Variants in GPC5 observed in about 807,000 individuals in gnomAD.
GPC5 encodes the protein glypican-5.
A neutral mutation model predicts 53.9 loss-of-function variants in GPC5; 47 were observed. The ratio of observed to expected loss-of-function variants is 0.87; its 90% CI spans 0.69 to 1.11. The LOEUF (loss-of-function observed/expected upper bound fraction) is 1.11, where lower values mean the gene tolerates loss of function less well. Among genes scored for constraint, GPC5 ranks in the 50% most tolerant of loss-of-function variants. The pLI, the probability that GPC5 is intolerant of heterozygous loss-of-function variation, is 0.00. For missense variants in GPC5, 748 were observed against 713.1 expected (o/e 1.05, Z -0.56); for synonymous variants, 286 against 263.3 (o/e 1.09, Z -0.84).
chr13:91,985,093 A>G (rs2040394740), intron 6 of GPC5, among the ~76,000 whole-genome samples: 1 of 152,148 alleles, frequency 6.6e-6, no homozygotes, highest in Non-Finnish European at 1.5e-5. Flanking sequence ...CTAAGTTTAC[A>G]TTTACTTTTT....
chr13:92,865,332 C>T (rs942914893), intron 7 of GPC5, among the ~76,000 whole-genome samples: 1 of 152,154 alleles, frequency 6.6e-6, no homozygotes, highest in East Asian at 1.9e-4. Context: ...CACCTCCATC[C>T]TCACAGCTGT....
Position 92,799,893 on chromosome 13 carries a change from C to A in GPC5, c.1562-66389C>A, listed in dbSNP as rs576036739. ...GAAGAACACAAAAATACAGATGAAT[C>A]GGCTCTGATTCAAATTTTTCATTTC... is the stretch of plus-strand genomic sequence containing the variant. On this transcript the variant is annotated intron_variant, in intron 7 of 7. Transcript: ENST00000377067. Among the ~76,000 whole-genome samples, 4 of 151,744 alleles carry A rather than the reference C, an allele frequency of 2.6e-5. No individual in the cohort carries two copies. The East Asian group carries it at 7.8e-4, about 30-fold the overall frequency.
chr13:91,600,344 AGAGAGT>A (rs1364059601), intron 2 of GPC5, among the ~76,000 whole-genome samples: 128 of 62,082 alleles, frequency 2.1e-3, no homozygotes, highest in African/African-American at 5.8e-3. Context: ...AGAGAGAGAG[AGAGAGT>A]GTGTGTGTGT....
intron 7 of GPC5, among the ~76,000 whole-genome samples, chr13:92,225,964 G>T (rs1487180671): frequency 6.6e-6 from 1 of 152,108 alleles, no homozygotes; most frequent in Non-Finnish European, 1.5e-5. Context: ...ATCTTATCTT[G>T]AATTCTAAAC....
intron 7 of GPC5, among the ~76,000 whole-genome samples, chr13:92,198,960 T>C (rs942418680): frequency 1.3e-5 from 2 of 152,174 alleles, no homozygotes; most frequent in South Asian, 2.1e-4. Flanking sequence ...TCATAAGCAA[T>C]ATTGATTTTT....
At chr13:92,816,817 T>C (rs968926649) in intron 7 of GPC5, among the ~76,000 whole-genome samples, 9 of 152,122 alleles carry the variant, frequency 5.9e-5, no homozygotes, top group Admixed American at 2.0e-4. Flanking sequence ...TAGTCTGCCC[T>C]GACTCTGCCA....
chr13:91,491,952 A>G (rs1425471855), intron 2 of GPC5, among the ~76,000 whole-genome samples: 1 of 152,200 alleles, frequency 6.6e-6, no homozygotes, highest in Non-Finnish European at 1.5e-5. Context: ...AGCTCACTAC[A>G]CACACAAAAC....
chr13:92,427,429 A>C (rs1006202463), intron 7 of GPC5, among the ~76,000 whole-genome samples: 43 of 151,294 alleles, frequency 2.8e-4, no homozygotes, highest in African/African-American at 1.0e-3. Flanking sequence ...TATTTATTGG[A>C]ACTTAGCTCG....
intron 7 of GPC5, among the ~76,000 whole-genome samples, chr13:92,847,586 C>T (rs1490100537): frequency 1.3e-5 from 2 of 152,068 alleles, no homozygotes; most frequent in African/African-American, 2.4e-5. Context: ...GAGGCATCCC[C>T]AGCAGTGCTG....
chr13:91,961,187 GTAAC>G (rs2040122294), intron 6 of GPC5, among the ~76,000 whole-genome samples: 2 of 151,772 alleles, frequency 1.3e-5, no homozygotes, highest in Non-Finnish European at 2.9e-5. Flanking sequence ...AGAAACTGAA[GTAAC>G]TAAACAAGTA....
chr13:91,978,296 G>T (rs529595540), intron 6 of GPC5, among the ~76,000 whole-genome samples: 1 of 152,264 alleles, frequency 6.6e-6, no homozygotes, highest in African/African-American at 2.4e-5. Context: ...ACTATGCTCT[G>T]AATTTTTATT....
chr13:92,298,716 G>C (rs1444061730), intron 7 of GPC5, among the ~76,000 whole-genome samples: 2 of 152,168 alleles, frequency 1.3e-5, no homozygotes, highest in Middle Eastern at 3.4e-3. Flanking sequence ...TTCCTTTAGG[G>C]GGTGTGTGGG....
chr13:92,413,530 TC>T (rs35021829), intron 7 of GPC5, among the ~76,000 whole-genome samples: 1 of 152,216 alleles, frequency 6.6e-6, no homozygotes, highest in East Asian at 1.9e-4. Flanking sequence ...TCAGTTACTT[TC>T]CATTTTCGTA....
intron 5 of GPC5, among the ~76,000 whole-genome samples, chr13:91,771,714 T>A (rs1330597288): frequency 6.6e-6 from 1 of 152,172 alleles, no homozygotes; most frequent in African/African-American, 2.4e-5. Flanking sequence ...CAAGTCCTTT[T>A]AGTTGTTTTC....
chr13:92,697,519 GCTT>G (rs1887593735), intron 7 of GPC5, among the ~76,000 whole-genome samples: 2 of 152,116 alleles, frequency 1.3e-5, no homozygotes, highest in South Asian at 4.2e-4. Flanking sequence ...GTATAGGAAT[GCTT>G]GTGATTTTTG....
intron 7 of GPC5, among the ~76,000 whole-genome samples, chr13:92,174,745 T>C (rs2042097493): frequency 6.6e-6 from 1 of 151,894 alleles, no homozygotes; most frequent in African/African-American, 2.4e-5. Flanking sequence ...GTTAAAATAG[T>C]GTGCAGAAGA....
intron 7 of GPC5, among the ~76,000 whole-genome samples, chr13:92,749,179 A>C (rs1369940970): frequency 1.3e-5 from 2 of 152,220 alleles, no homozygotes; most frequent in Non-Finnish European, 1.5e-5. Flanking sequence ...CAAAATTAAT[A>C]ACATAGCTTA....
intron 7 of GPC5, among the ~76,000 whole-genome samples, chr13:92,333,592 A>G (rs762008128): frequency 2.2e-4 from 34 of 152,126 alleles, no homozygotes; most frequent in Admixed American, 4.6e-4. Context: ...TAGGCTTAAA[A>G]AAAGACTGAG....
rs944804312 is a variant in GPC5 at position 91,598,385 on chromosome 13, T to C, written c.326-94802T>C. ...AACAAATATAACATGTTTACAGATA[T>C]GTTACAGGTAGAGCTCTTTCACTAA... On this transcript the variant is annotated intron_variant, in intron 2 of 7. Coordinates refer to ENST00000377067, the MANE Select transcript of GPC5 (RefSeq NM_004466.6). 6.6e-4 allele frequency among the ~76,000 whole-genome samples: 101 copies of C among 152,022 alleles called. 1 individual carries two copies. The highest frequency in any genetic ancestry group is 1.1e-3 in the Non-Finnish European group (77 of 68,000).
Sources: allele counts gnomAD v4.1 joint callset (sites outside exome capture counted in the v4.1 genomes callset), GRCh38; gene constraint gnomAD v4.1.1; transcripts MANE v1.5; gene names NCBI Gene and HGNC (gene_info 2026-07-23, HGNC 2026-07-21).